UBE2Q2: variants seen among roughly 807,000 people sequenced by gnomAD.
UBE2Q2 encodes the protein ubiquitin conjugating enzyme E2 Q2.
A neutral mutation model predicts 59.9 loss-of-function variants in UBE2Q2; 54 were observed. That is an observed-to-expected ratio of 0.90 (90% CI 0.72 to 1.13). The LOEUF is 1.13. UBE2Q2 is among the 50% of genes most tolerant of loss of function. UBE2Q2 has a pLI of 0.00. For synonymous variants in UBE2Q2, 165 were observed against 155.2 expected, an observed-to-expected ratio of 1.06 and a Z score of -0.47; for missense variants, 433 against 441.9, an observed-to-expected ratio of 0.98 and a Z score of 0.18.
chr15:75,845,779 C>T (rs983274307), intron 1 of UBE2Q2, among the ~76,000 whole-genome samples: 1 of 152,148 alleles, frequency 6.6e-6, no homozygotes, highest in Non-Finnish European at 1.5e-5. Flanking sequence ...ACCTAAAGTG[C>T]CACTGGTGCC....
At position 75,894,580 on chromosome 15, in the gene UBE2Q2, T is replaced by C. The variant is rs545838840; in HGVS notation, c.1030-2415T>C. ...GTCTGAGTGACAGAGCAAGACTCCA[T>C]CTCTTAAAAGAACCTGAAGGAAAGC... On this transcript the variant is annotated intron_variant, in intron 11 of 12. Transcript: ENST00000267938. Among the ~76,000 whole-genome samples, 180 of 152,056 alleles carry C rather than the reference T, an allele frequency of 1.2e-3. 1 individual carries two copies. The highest frequency in any genetic ancestry group is 4.1e-3 in the African/African-American group (168 of 41,478).
intron 1 of UBE2Q2, among the ~76,000 whole-genome samples, chr15:75,846,096 G>A (rs1270867226): frequency 6.6e-6 from 1 of 152,176 alleles, no homozygotes; most frequent in Non-Finnish European, 1.5e-5. Context: ...ACAGTGTAAT[G>A]TAGCCAGCCT....
At chr15:75,875,213 G>A (rs1018235852) in intron 5 of UBE2Q2, among the ~76,000 whole-genome samples, 14 of 152,104 alleles carry the variant, frequency 9.2e-5, no homozygotes, top group African/African-American at 2.9e-4. Flanking sequence ...CATAGCCACC[G>A]TGTGAAATAG....
Position 75,854,478 on chromosome 15 carries a change from C to T in UBE2Q2, c.273C>T (p.Asn91=). 2 of 1,606,084 alleles carry T rather than the reference C, an allele frequency of 1.2e-6. No homozygotes were observed. Among genetic ancestry groups the T allele is most frequent in the Non-Finnish European group, 8.5e-7 (1 of 1,175,728 alleles). Residue 91 remains asparagine, a synonymous_variant, in exon 2 of 13, where the codon AAC becomes AAT. Transcript: ENST00000267938. The part of the protein sequence containing the change: ...SVLERLEDTK[N]NNLLRQQLKW... ...TGGAACGTCTAGAAGATACTAAGAA[C>T]AACAATTTGGTAAGAAAATAAGCCA...
chr15:75,866,779 T>C (rs1190834953), intron 3 of UBE2Q2, among the ~76,000 whole-genome samples: 13 of 152,100 alleles, frequency 8.5e-5, no homozygotes, highest in Admixed American at 7.2e-4. Context: ...GTGGAGGGGA[T>C]CTTATTTTTA....
Position 75,899,437 on chromosome 15 carries a change from C to T in UBE2Q2, c.1107C>T (p.Thr369=). ...TTCATTCTATTTCAGGCTGGTACAC[C>T]CCTCCAAAGGAAGATGGCTAAATGT... The part of the protein sequence containing the change: ...VQIHEKNGWY[T]PPKEDG The change falls in exon 13 of 13, where the codon ACC becomes ACT. Residue 369 remains threonine (T), a synonymous_variant. Transcript: ENST00000267938. 1 of 1,590,928 alleles carries T rather than the reference C, an allele frequency of 6.3e-7. No homozygotes were observed. The highest frequency in any genetic ancestry group is 8.5e-7 in the Non-Finnish European group (1 of 1,169,706).
chr15:75,861,890 A>G (rs748321970), intron 3 of UBE2Q2, among the ~76,000 whole-genome samples: 17 of 152,170 alleles, frequency 1.1e-4, no homozygotes, highest in Non-Finnish European at 1.0e-4. Context: ...GGGACTGGTC[A>G]TCTGGATGCT....
chr15:75,873,329 T>A (rs1312641782), intron 4 of UBE2Q2, 99 bp from the exon 5 acceptor site: 2 of 1,223,200 alleles, frequency 1.6e-6, no homozygotes, highest in African/African-American at 3.1e-5. Context: ...TTGTTTCTTG[T>A]TCCTCATTTG....
intron 1 of UBE2Q2, among the ~76,000 whole-genome samples, chr15:75,852,738 G>T (rs1480081602): frequency 6.6e-6 from 1 of 152,230 alleles, no homozygotes; most frequent in Non-Finnish European, 1.5e-5. Flanking sequence ...TACTCAATAA[G>T]TGGTGTTAAG....
chr15:75,860,052 T>A (rs1897131663), intron 3 of UBE2Q2, 70 bp downstream of exon 3: 1 of 1,107,724 alleles, frequency 9.0e-7, no homozygotes, highest in Non-Finnish European at 1.3e-6. Flanking sequence ...ACTAGGATGA[T>A]TTTTCTTTTT....
chr15:75,888,586 T>C (rs894899659), intron 9 of UBE2Q2, among the ~76,000 whole-genome samples: 1 of 152,176 alleles, frequency 6.6e-6, no homozygotes, highest in Non-Finnish European at 1.5e-5. Context: ...CAGGAACCCT[T>C]TGGAGGCAAA....
In UBE2Q2 at chr15:75,843,849, G is replaced by T; in HGVS notation, c.180+3G>T. ...TCACGCTCCACTGCAACATCACGGTGAGGCGCCCGGCCGCGGCCCCGCGGG... is the reference window on the plus strand; with the variant it reads ...TCACGCTCCACTGCAACATCACGGTTAGGCGCCCGGCCGCGGCCCCGCGGG... On this transcript the variant is annotated splice_donor_region_variant and intron_variant, in intron 1 of 12. Coordinates refer to ENST00000267938, the MANE Select transcript of UBE2Q2 (RefSeq NM_173469.4). 6.4e-7 allele frequency: 1 copy of T among 1,566,684 alleles called. No individual in the cohort carries two copies. The highest frequency in any genetic ancestry group is 8.6e-7 in the Non-Finnish European group (1 of 1,157,948).
In UBE2Q2 at chr15:75,843,891, G is replaced by A. The variant is rs775809531; in HGVS notation, c.180+45G>A. 4.6e-6 allele frequency: 7 copies of A among 1,505,552 alleles called. No individual in the cohort carries two copies. The South Asian group carries it at 7.5e-5, about 16-fold the overall frequency. 93.3% of individuals were successfully genotyped at this position (1,505,552 alleles called of 1,614,324 possible). On this transcript the variant is annotated intron_variant, in intron 1 of 12. Transcript: ENST00000267938. ...CCCCGCGGGGCAGGGCGAGGACGGA[G>A]AGGGGGCGCTTCGAGTCCCGGGACA...
At chr15:75,856,959 ATTTT>A (rs1232261726) in intron 2 of UBE2Q2, among the ~76,000 whole-genome samples, 1 of 151,686 alleles carries the variant, frequency 6.6e-6, no homozygotes, top group East Asian at 1.9e-4. Flanking sequence ...AAAAAAAGAT[ATTTT>A]AAGAGTTAAG....
chr15:75,844,000 C>G, intron 1 of UBE2Q2, 154 bp downstream of exon 1: 1 of 1,402,828 alleles, frequency 7.1e-7, no homozygotes, highest in Non-Finnish European at 9.2e-7. Context: ...CATCCCAGGC[C>G]GGGCTGGGAC....
intron 9 of UBE2Q2, among the ~76,000 whole-genome samples, chr15:75,885,708 T>G (rs1397609298): frequency 1.3e-5 from 2 of 152,238 alleles, no homozygotes; most frequent in African/African-American, 2.4e-5. Context: ...AGAGGTTTCC[T>G]TTTGACAGGT....
chr15:75,876,414 A>G, intron 6 of UBE2Q2, 143 bp downstream of exon 6: 1 of 706,894 alleles, frequency 1.4e-6, no homozygotes, highest in Non-Finnish European at 2.2e-6. Context: ...AAATGCAATC[A>G]AGTTCCAAAA....
At chr15:75,855,930 G>A (rs1362609074) in intron 2 of UBE2Q2, among the ~76,000 whole-genome samples, 2 of 152,166 alleles carry the variant, frequency 1.3e-5, no homozygotes, top group African/African-American at 4.8e-5. Flanking sequence ...GCTCATGCCT[G>A]TAATTCCAGA....
At chr15:75,894,087 C>T (rs1287888663) in intron 11 of UBE2Q2, among the ~76,000 whole-genome samples, 2 of 152,160 alleles carry the variant, frequency 1.3e-5, no homozygotes, top group African/African-American at 2.4e-5. Context: ...CTCATGCAAA[C>T]AGCCTTTAGG....
Sources: gnomAD v4.1 joint callset for allele counts (sites outside exome capture counted in the v4.1 genomes callset) on GRCh38, gnomAD v4.1.1 for gene constraint, MANE v1.5 for transcripts, NCBI Gene and HGNC (gene_info 2026-07-23, HGNC 2026-07-21) for gene names.